TRIM24: variants seen among roughly 807,000 people sequenced by gnomAD.
The protein encoded by TRIM24 is tripartite motif containing 24.
TRIM24 carries 29 observed loss-of-function variants against 123.9 expected under a neutral mutation model. That is an observed-to-expected ratio of 0.23 (90% CI 0.17 to 0.32). The LOEUF (loss-of-function observed/expected upper bound fraction) is 0.32, where lower values mean the gene tolerates loss of function less well. Ranked by LOEUF, TRIM24 falls within the 10% of genes least tolerant of loss-of-function variation. The probability of loss-of-function intolerance (pLI) is 1.00; values close to 1 mark genes in which losing one functional copy is unlikely to be tolerated. For synonymous variants in TRIM24, 456 were observed against 461.1 expected (o/e 0.99, Z 0.14); for missense variants, 932 against 1,295.3 (o/e 0.72, Z 4.31).
chr7:138,464,991 T>C (rs1352822291), intron 1 of TRIM24, among the ~76,000 whole-genome samples: 1 of 152,210 alleles, frequency 6.6e-6, no homozygotes, highest in Non-Finnish European at 1.5e-5. Context: ...CATGCTCTCT[T>C]TGTCATCCTA....
At chr7:138,471,196 C>G (rs1351040401) in intron 1 of TRIM24, among the ~76,000 whole-genome samples, 1 of 152,166 alleles carries the variant, frequency 6.6e-6, no homozygotes, top group Non-Finnish European at 1.5e-5. Flanking sequence ...TAGTGTGAAG[C>G]TATCTTGATT....
chr7:138,494,166 G>A (rs1348263908), intron 1 of TRIM24, among the ~76,000 whole-genome samples: 3 of 151,950 alleles, frequency 2.0e-5, no homozygotes, highest in African/African-American at 7.2e-5. Flanking sequence ...ATTTTTAGTA[G>A]AGATGAGGTT....
At chr7:138,474,599 T>C (rs558311482) in intron 1 of TRIM24, among the ~76,000 whole-genome samples, 1 of 152,340 alleles carries the variant, frequency 6.6e-6, no homozygotes, top group East Asian at 1.9e-4. Context: ...AGGTTTACAT[T>C]TAGGTCTATG....
intron 16 of TRIM24, 114 bp from the exon 17 acceptor site, chr7:138,581,583 T>G: frequency 1.2e-6 from 1 of 839,758 alleles, no homozygotes; most frequent in Non-Finnish European, 1.8e-6. Context: ...TGTATTCATC[T>G]GGGTTTTAAT....
At chr7:138,486,750 T>A (rs1262653040) in intron 1 of TRIM24, among the ~76,000 whole-genome samples, 1 of 152,234 alleles carries the variant, frequency 6.6e-6, no homozygotes, top group African/African-American at 2.4e-5. Context: ...CCTTGTAGTG[T>A]ACTTTGAAGT....
chr7:138,538,820 T>C lies in TRIM24; in HGVS notation c.1143+17T>C. On this transcript the variant is annotated intron_variant, in intron 7 of 18. Transcript: ENST00000343526. Reference sequence around the variant, plus strand: ...AAACGACTGGTAAGATAAAGTATGCTATTTAATATACTGTAAAAATGCACA... The same window carrying C: ...AAACGACTGGTAAGATAAAGTATGCCATTTAATATACTGTAAAAATGCACA... 1 of 1,607,712 alleles carries C rather than the reference T, an allele frequency of 6.2e-7. No individual in the cohort carries two copies. The highest frequency in any genetic ancestry group is 8.5e-7 in the Non-Finnish European group (1 of 1,175,846).
chr7:138,535,711 A>G (rs6976354), intron 6 of TRIM24, among the ~76,000 whole-genome samples: 120,229 of 152,004 alleles, frequency 0.79, 47,837 homozygotes, highest in Non-Finnish European at 0.82. Context: ...TGCTCTTCTC[A>G]AGGAGTATCT....
intron 4 of TRIM24, among the ~76,000 whole-genome samples, chr7:138,521,746 G>T (rs762561209): frequency 2.0e-5 from 3 of 152,108 alleles, no homozygotes; most frequent in Non-Finnish European, 4.4e-5. Flanking sequence ...AATACTTAAT[G>T]GGAAAAGACA....
intron 6 of TRIM24, among the ~76,000 whole-genome samples, chr7:138,537,143 C>T (rs933643357): frequency 2.6e-5 from 4 of 152,142 alleles, no homozygotes; most frequent in Non-Finnish European, 5.9e-5. Context: ...AAAGGGAATT[C>T]CCTGACGCCT....
At chr7:138,483,107 G>C (rs1051686554) in intron 1 of TRIM24, among the ~76,000 whole-genome samples, 7 of 151,682 alleles carry the variant, frequency 4.6e-5, no homozygotes, top group East Asian at 1.9e-4. Context: ...TTTGTAGCGG[G>C]GGGGGTCTCA....
At chr7:138,469,408 A>T (rs1795222318) in intron 1 of TRIM24, among the ~76,000 whole-genome samples, 1 of 151,264 alleles carries the variant, frequency 6.6e-6, no homozygotes, top group African/African-American at 2.4e-5. Context: ...TCCCCGGTTC[A>T]AACAATTCTC....
At position 138,501,744 on chromosome 7, in the gene TRIM24, G is replaced by A. The variant is rs376560173; in HGVS notation, c.365-2546G>A. 9.2e-4 allele frequency among the ~76,000 whole-genome samples: 139 copies of A among 151,846 alleles called. 1 individual carries two copies. The highest frequency in any genetic ancestry group is 3.1e-3 in the African/African-American group (127 of 41,444). ...CTACTAAAAATACAAAAAATTAGCC[G>A]GCTGTGGTGGCACGTTGCCTGTAGT... On this transcript the variant is annotated intron_variant, in intron 1 of 18. Transcript: ENST00000343526.
Position 138,573,490 on chromosome 7 carries a change from A to C in TRIM24, c.1879-17A>C. On this transcript the variant is annotated splice_polypyrimidine_tract_variant and intron_variant, in intron 11 of 18. Coordinates refer to ENST00000343526, the MANE Select transcript of TRIM24 (RefSeq NM_015905.3). Reference sequence around the variant, plus strand: ...TGCAAAATCAGAATGCCCTGAAATAATTTCTTTTCTTGTAAGATTGACTGT... The same window carrying C: ...TGCAAAATCAGAATGCCCTGAAATACTTTCTTTTCTTGTAAGATTGACTGT... 6.5e-7 allele frequency: 1 copy of C among 1,533,830 alleles called. No homozygotes were observed. The highest frequency in any genetic ancestry group is 8.8e-7 in the Non-Finnish European group (1 of 1,139,274).
At chr7:138,562,983 T>C (rs1797458100) in intron 9 of TRIM24, among the ~76,000 whole-genome samples, 1 of 152,220 alleles carries the variant, frequency 6.6e-6, no homozygotes, top group Non-Finnish European at 1.5e-5. Context: ...CTTGTCCTCC[T>C]ATAACGAACC....
At chr7:138,569,039 G>A (rs548759055) in intron 10 of TRIM24, among the ~76,000 whole-genome samples, 41 of 151,984 alleles carry the variant, frequency 2.7e-4, no homozygotes, top group African/African-American at 9.2e-4. Flanking sequence ...TTCATCATTA[G>A]AAGGAAAGTA....
chr7:138,585,033 A>C lies in TRIM24; in HGVS notation c.*82A>C. ...TTTGTCAGTAATTTAACATCACTAC[A>C]AAAAGAAGAGTTTGTGACTATTCTC... On this transcript the variant is annotated 3_prime_UTR_variant, in exon 19 of 19. Transcript: ENST00000343526. 8.1e-7 allele frequency: 1 copy of C among 1,238,708 alleles called. No homozygotes were observed. Among genetic ancestry groups the C allele is most frequent in the Non-Finnish European group, 1.1e-6 (1 of 889,966 alleles). 76.7% of individuals were successfully genotyped at this position (1,238,708 alleles called of 1,614,324 possible). A position where few individuals can be genotyped will look rare whatever the true frequency, so the allele number is the denominator to read the frequency against.
intron 2 of TRIM24, among the ~76,000 whole-genome samples, chr7:138,506,781 G>C (rs1005549154): frequency 6.6e-6 from 1 of 152,126 alleles, no homozygotes; most frequent in African/African-American, 2.4e-5. Flanking sequence ...CATGGGTTAG[G>C]GTAGGAAATG....
rs1422176564 is a variant in TRIM24, at chr7:138,508,692, T to TGTGTGTGCGCGC, written c.483+4285_483+4286insTGTGTGCGCGCG. Among the ~76,000 whole-genome samples the TGTGTGTGCGCGC allele has an allele frequency of 9.8e-4, 134 of 137,272 alleles. 1 individual carries two copies. Among genetic ancestry groups the TGTGTGTGCGCGC allele is most frequent in the East Asian group, 2.8e-3 (12 of 4,312 alleles). The allele number at this position is 137,272 out of a possible 152,430, so 90.1% of individuals were successfully genotyped here. A position where few individuals can be genotyped will look rare whatever the true frequency, so the allele number is the denominator to read the frequency against. On this transcript the variant is annotated intron_variant, in intron 2 of 18. Transcript: ENST00000343526. ...GTGTGTGTGTGTGTGTGTGTGTGTG[T>TGTGTGTGCGCGC]GCGCGCGCGTGTGTGCGTGTGTGTG...
intron 6 of TRIM24, 30 bp downstream of exon 6, chr7:138,529,260 G>T: frequency 1.8e-6 from 2 of 1,129,292 alleles, no homozygotes; most frequent in South Asian, 3.4e-5. Context: ...ATAGTATATT[G>T]ATTCAACATA....
Sources: gnomAD v4.1 joint callset for allele counts (sites outside exome capture counted in the v4.1 genomes callset) on GRCh38, gnomAD v4.1.1 for gene constraint, MANE v1.5 for transcripts, NCBI Gene and HGNC (gene_info 2026-07-23, HGNC 2026-07-21) for gene names.